The following EDC3 variants were observed in gnomAD, a reference collection of about 807,000 sequenced individuals.
EDC3 encodes enhancer of mRNA-decapping protein 3.
A neutral mutation model predicts 41.8 loss-of-function variants in EDC3; 20 were observed. That is an observed-to-expected ratio of 0.48 (90% CI 0.34 to 0.70). EDC3 has a LOEUF of 0.70. EDC3 is among the 30% of genes least tolerant of loss of function. EDC3 has a pLI of 0.01. For missense variants in EDC3, 444 were observed against 636.8 expected, an observed-to-expected ratio of 0.70 and a Z score of 3.26; for synonymous variants, 206 against 243.2, an observed-to-expected ratio of 0.85 and a Z score of 1.42.
At chr15:74,673,089 T>C in intron 2 of EDC3, among the ~76,000 whole-genome samples, 1 of 151,864 alleles carries the variant, frequency 6.6e-6, no homozygotes. Context: ...GGGACGGATG[T>C]TGTGGAAGGC....
intron 1 of EDC3, chr15:74,695,378 C>T (rs2063053292): frequency 6.6e-6 from 1 of 152,190 alleles, no homozygotes; most frequent in Non-Finnish European, 1.5e-5. Context: ...GCATCAAAGG[C>T]AGAAATGAAT....
chr15:74,656,296 T>C (rs779171565), intron 3 of EDC3, among the ~76,000 whole-genome samples: 1 of 152,012 alleles, frequency 6.6e-6, no homozygotes, highest in Non-Finnish European at 1.5e-5. Context: ...TAATCCCACA[T>C]TGGGAGGCTG....
chr15:74,646,442 C>G (rs925101863), intron 4 of EDC3, among the ~76,000 whole-genome samples: 2 of 152,204 alleles, frequency 1.3e-5, no homozygotes, highest in African/African-American at 4.8e-5. Flanking sequence ...AACACAACAG[C>G]CTTAAACTGT....
chr15:74,666,357 T>C (rs868281677), intron 3 of EDC3, among the ~76,000 whole-genome samples: 1 of 152,216 alleles, frequency 6.6e-6, no homozygotes, highest in African/African-American at 2.4e-5. Flanking sequence ...ATGATCTCTT[T>C]ACCTCATTTA....
At chr15:74,661,495 C>G (rs1057198750) in intron 3 of EDC3, among the ~76,000 whole-genome samples, 1 of 152,114 alleles carries the variant, frequency 6.6e-6, no homozygotes, top group East Asian at 1.9e-4. Flanking sequence ...AATGTACACA[C>G]GGCCAGGGGT....
At chr15:74,649,812 C>A (rs1567161070) in intron 4 of EDC3, among the ~76,000 whole-genome samples, 1 of 150,524 alleles carries the variant, frequency 6.6e-6, no homozygotes, top group Non-Finnish European at 1.5e-5. Flanking sequence ...CAACTCTTGC[C>A]TTTGCTTTCT....
At chr15:74,638,216 T>A (rs1471586732) in intron 5 of EDC3, 1 of 152,152 alleles carries the variant, frequency 6.6e-6, no homozygotes, top group Non-Finnish European at 1.5e-5. Context: ...CCCTAGGCCC[T>A]TTCTGTTCAC....
chr15:74,632,810 G>A lies in EDC3; in HGVS notation c.1329C>T (p.Asp443=). The change falls in exon 7 of 7, where the codon GAC becomes GAT. Residue 443 remains aspartate, a synonymous_variant. Coordinates refer to ENST00000315127, the MANE Select transcript of EDC3 (RefSeq NM_025083.5). The surrounding 1 kb of genome is among the most constrained non-coding windows in gnomAD (Gnocchi z 4.0). ...CCTGTTCGACTTCATGCACAGGAGG[G>A]TCTATGCTGAGTACTGGTGCCCGGT... ...NQNRAPVLSI[D]PPVHEVEQGI... The A allele has an allele frequency of 6.2e-7, 1 of 1,614,254 alleles. No individual in the cohort carries two copies. The highest frequency in any genetic ancestry group is 8.5e-7 in the Non-Finnish European group (1 of 1,180,042).
chr15:74,658,624 G>GAAAAAAAAAAAAAAAAAAAAAAAAAA (rs60193835), intron 3 of EDC3, among the ~76,000 whole-genome samples: 1 of 39,038 alleles, frequency 2.6e-5, no homozygotes, highest in Non-Finnish European at 4.9e-5. Flanking sequence ...TTACGTCTCT[G>GAAAAAAAAAAAAAAAAAAAAAAAAAA]AAAAAAAAAA....
At chr15:74,643,076 C>T (rs1414191363) in intron 4 of EDC3, 2 of 152,158 alleles carry the variant, frequency 1.3e-5, no homozygotes, top group Non-Finnish European at 2.9e-5. Flanking sequence ...CTGAAAGGAA[C>T]GTACAAACAC....
At chr15:74,685,231 CA>C (rs917365203) in intron 1 of EDC3, among the ~76,000 whole-genome samples, 14 of 151,702 alleles carry the variant, frequency 9.2e-5, no homozygotes, top group African/African-American at 3.4e-4. Context: ...CCCATCTCTG[CA>C]AAAAAATTAA....
chr15:74,685,296 A>G (rs2062922319), intron 1 of EDC3, among the ~76,000 whole-genome samples: 1 of 152,140 alleles, frequency 6.6e-6, no homozygotes, highest in African/African-American at 2.4e-5. Flanking sequence ...ACAGCTACTC[A>G]GAATGCTGAG....
intron 1 of EDC3, among the ~76,000 whole-genome samples, chr15:74,675,709 T>C (rs962708300): frequency 6.6e-6 from 1 of 150,634 alleles, no homozygotes; most frequent in Non-Finnish European, 1.5e-5. Flanking sequence ...TGAAACCCCG[T>C]CTCTACTAAA....
At chr15:74,673,880 T>G (rs1012336276) in intron 2 of EDC3, among the ~76,000 whole-genome samples, 2 of 145,032 alleles carry the variant, frequency 1.4e-5, no homozygotes, top group African/African-American at 5.1e-5. Flanking sequence ...CATTAACATA[T>G]AGAGTACACA....
chr15:74,637,389 C>T (rs1251046955), intron 5 of EDC3: 1 of 152,226 alleles, frequency 6.6e-6, no homozygotes, highest in Non-Finnish European at 1.5e-5. Context: ...TTAATGGTCT[C>T]AAAGTGCCCC....
intron 5 of EDC3, chr15:74,635,899 C>T (rs1291929672): frequency 4.1e-6 from 2 of 490,324 alleles, no homozygotes; most frequent in African/African-American, 1.9e-5. Flanking sequence ...GCCACAACAC[C>T]GCTTTGCTGA....
At chr15:74,638,253 C>T (rs2062299580) in intron 5 of EDC3, 1 of 151,314 alleles carries the variant, frequency 6.6e-6, no homozygotes, top group Admixed American at 6.6e-5. Context: ...ATCTCATCTA[C>T]TCTTACACCA....
chr15:74,691,499 C>A (rs2063007315), intron 1 of EDC3, among the ~76,000 whole-genome samples: 1 of 152,114 alleles, frequency 6.6e-6, no homozygotes, highest in Non-Finnish European at 1.5e-5. Flanking sequence ...ACTTCTCACC[C>A]AAACAAAATT....
chr15:74,645,571 G>GGT (rs1555452907), intron 4 of EDC3, among the ~76,000 whole-genome samples: 1 of 145,724 alleles, frequency 6.9e-6, no homozygotes, highest in South Asian at 2.3e-4. Context: ...AGTTGGGGGG[G>GGT]GGGGGGTGCC....
Sources: allele counts gnomAD v4.1 joint callset (sites outside exome capture counted in the v4.1 genomes callset), GRCh38; gene constraint gnomAD v4.1.1; non-coding constraint Gnocchi (gnomAD v3.1); transcripts MANE v1.5; gene names NCBI Gene and HGNC (gene_info 2026-07-23, HGNC 2026-07-21).